Variants in ZNF385D observed in about 807,000 individuals in gnomAD.
ZNF385D encodes zinc finger protein 385D, also known as zinc finger protein 659.
A neutral mutation model predicts 35.8 loss-of-function variants in ZNF385D; 15 were observed. That is an observed-to-expected ratio of 0.42 (90% CI 0.28 to 0.64). The LOEUF is 0.64. ZNF385D is among the 30% of genes least tolerant of loss of function. The pLI, the probability that ZNF385D is intolerant of heterozygous loss-of-function variation, is 0.23. For missense variants in ZNF385D, 474 were observed against 494.6 expected (o/e 0.96, Z 0.39); for synonymous variants, 212 against 186.8 (o/e 1.13, Z -1.10).
At chr3:22,259,537 C>CAT (rs1279754136) in intron 2 of ZNF385D, among the ~76,000 whole-genome samples, 1 of 151,966 alleles carries the variant, frequency 6.6e-6, no homozygotes, top group Non-Finnish European at 1.5e-5. Flanking sequence ...AGACAGCTGT[C>CAT]ATATACTTCT....
At chr3:22,298,580 T>A (rs1313877110) in intron 2 of ZNF385D, among the ~76,000 whole-genome samples, 6 of 141,658 alleles carry the variant, frequency 4.2e-5, no homozygotes, top group Non-Finnish European at 9.3e-5. Context: ...CACACATATA[T>A]GTATGTGACT....
chr3:21,548,249 C>G (rs2062448674), intron 3 of ZNF385D, among the ~76,000 whole-genome samples: 1 of 152,170 alleles, frequency 6.6e-6, no homozygotes, highest in South Asian at 2.1e-4. Context: ...TGCAACACCA[C>G]CACACCTGGC....
At chr3:22,029,861 G>A (rs1697821149) in intron 3 of ZNF385D, among the ~76,000 whole-genome samples, 3 of 152,018 alleles carry the variant, frequency 2.0e-5, no homozygotes, top group South Asian at 2.1e-4. Context: ...GTTGACAAGG[G>A]GTGGACTTGT....
At chr3:21,556,647 C>T (rs1160583871) in intron 3 of ZNF385D, among the ~76,000 whole-genome samples, 1 of 152,074 alleles carries the variant, frequency 6.6e-6, no homozygotes, top group Admixed American at 6.6e-5. Context: ...AGTTAGAAGC[C>T]AGGTAACATG....
At chr3:22,059,682 C>G (rs1443791480) in intron 3 of ZNF385D, among the ~76,000 whole-genome samples, 1 of 152,048 alleles carries the variant, frequency 6.6e-6, no homozygotes, top group Non-Finnish European at 1.5e-5. Flanking sequence ...TTTGAAGACC[C>G]CATATAAGTT....
chr3:21,632,097 G>A (rs777054869), intron 2 of ZNF385D, among the ~76,000 whole-genome samples: 13 of 152,036 alleles, frequency 8.6e-5, no homozygotes, highest in Admixed American at 6.6e-4. Context: ...TGACACTGTG[G>A]TGAATAAAAC....
chr3:22,307,159 T>G (rs1703272291), intron 2 of ZNF385D, among the ~76,000 whole-genome samples: 1 of 151,956 alleles, frequency 6.6e-6, no homozygotes, highest in Non-Finnish European at 1.5e-5. Flanking sequence ...GAGCAGACAA[T>G]AAGTGCAATA....
intron 2 of ZNF385D, among the ~76,000 whole-genome samples, chr3:22,291,831 G>C (rs1283149959): frequency 6.6e-6 from 1 of 151,940 alleles, no homozygotes; most frequent in East Asian, 1.9e-4. Context: ...TCCTTAAAAT[G>C]CAAAAATTTA....
chr3:21,477,556 A>G (rs544072205), intron 4 of ZNF385D, among the ~76,000 whole-genome samples: 1 of 152,188 alleles, frequency 6.6e-6, no homozygotes, highest in East Asian at 1.9e-4. Context: ...ATTCTTAAAT[A>G]CCCTACTAAC....
chr3:21,612,748 A>G (rs2064721723), intron 2 of ZNF385D, among the ~76,000 whole-genome samples: 1 of 152,228 alleles, frequency 6.6e-6, no homozygotes, highest in South Asian at 2.1e-4. Context: ...AAATCAAATG[A>G]TTTATTAGAA....
intron 2 of ZNF385D, among the ~76,000 whole-genome samples, chr3:21,591,364 A>G (rs969535102): frequency 5.9e-5 from 9 of 152,228 alleles, no homozygotes; most frequent in African/African-American, 1.9e-4. Flanking sequence ...TTGTCCCTCT[A>G]TCACTTAAAT....
At chr3:21,753,697 A>G (rs912484550), upstream of ZNF385D, among the ~76,000 whole-genome samples, 2 of 152,272 alleles carry the variant, frequency 1.3e-5, no homozygotes, top group Middle Eastern at 3.4e-3. Context: ...TTAATTGTAT[A>G]CTTTTTCCTG....
At chr3:22,241,851 A>G (rs937575742) in intron 2 of ZNF385D, among the ~76,000 whole-genome samples, 7 of 150,944 alleles carry the variant, frequency 4.6e-5, no homozygotes, top group South Asian at 4.4e-4. Flanking sequence ...AAGAGTACAG[A>G]TAACTCTTGA....
At chr3:22,240,347 T>C (rs1456397756) in intron 2 of ZNF385D, among the ~76,000 whole-genome samples, 1 of 150,928 alleles carries the variant, frequency 6.6e-6, no homozygotes, top group Non-Finnish European at 1.5e-5. Flanking sequence ...ACCCACAAAC[T>C]AACTACAAGT....
At chr3:21,923,269 A>G (rs1031428563) in intron 3 of ZNF385D, among the ~76,000 whole-genome samples, 3 of 150,454 alleles carry the variant, frequency 2.0e-5, no homozygotes, top group Middle Eastern at 3.2e-3. Flanking sequence ...GCTCCACATT[A>G]TTAATCATCA....
intron 2 of ZNF385D, among the ~76,000 whole-genome samples, chr3:22,232,738 A>G (rs910147979): frequency 1.3e-5 from 2 of 152,176 alleles, no homozygotes; most frequent in African/African-American, 4.8e-5. Context: ...TAATGGCTGC[A>G]TAGTATTCCA....
chr3:22,043,514 A>C (rs552119667), intron 3 of ZNF385D, among the ~76,000 whole-genome samples: 29 of 151,626 alleles, frequency 1.9e-4, no homozygotes, highest in Non-Finnish European at 4.1e-4. Context: ...ATTGGTCAAA[A>C]ACAGCAAGAG....
intron 3 of ZNF385D, among the ~76,000 whole-genome samples, chr3:22,027,171 T>A (rs1170758463): frequency 1.3e-5 from 2 of 152,340 alleles, no homozygotes; most frequent in Middle Eastern, 3.4e-3. Flanking sequence ...GATAAGTTGC[T>A]GCATTTGGCC....
At chr3:21,501,511 T>C (rs1026906689) in intron 4 of ZNF385D, among the ~76,000 whole-genome samples, 18 of 152,248 alleles carry the variant, frequency 1.2e-4, no homozygotes, top group Non-Finnish European at 1.6e-4. Flanking sequence ...GCAAGAAATG[T>C]ACTATTTGCA....
Sources: gnomAD v4.1 joint callset for allele counts (sites outside exome capture counted in the v4.1 genomes callset) on GRCh38, gnomAD v4.1.1 for gene constraint, MANE v1.5 for transcripts, NCBI Gene and HGNC (gene_info 2026-07-23, HGNC 2026-07-21) for gene names.